The following BMPR1B variants were observed in gnomAD, a reference collection of about 807,000 sequenced individuals.
BMPR1B encodes bone morphogenetic protein receptor type-1B.
BMPR1B carries 12 observed loss-of-function variants against 59.1 expected under a neutral mutation model. That is an observed-to-expected ratio of 0.20 (90% CI 0.13 to 0.33). The LOEUF (loss-of-function observed/expected upper bound fraction) is 0.33. BMPR1B is among the 10% of genes least tolerant of loss of function. BMPR1B has a pLI of 1.00. For missense variants in BMPR1B, 550 were observed against 610.9 expected (o/e 0.90, Z 1.05); for synonymous variants, 237 against 207.3 (o/e 1.14, Z -1.23).
intron 3 of BMPR1B, among the ~76,000 whole-genome samples, chr4:95,061,160 A>AAAC (rs1727333157): frequency 5.6e-5 from 8 of 142,570 alleles, no homozygotes; most frequent in Non-Finnish European, 1.1e-4. Flanking sequence ...ATTTAGAATA[A>AAAC]ACACACACAC....
chr4:95,071,632 TTGTGTGTG>T (rs71912877), intron 3 of BMPR1B, among the ~76,000 whole-genome samples: 4 of 118,218 alleles, frequency 3.4e-5, no homozygotes, highest in South Asian at 2.6e-4. Context: ...ATATGTGTGT[TTGTGTGTG>T]TGTGTGTGTG....
At chr4:94,889,843 TAGG>T (rs1578766252) in intron 2 of BMPR1B, among the ~76,000 whole-genome samples, 2 of 151,950 alleles carry the variant, frequency 1.3e-5, no homozygotes, top group Admixed American at 6.6e-5. Flanking sequence ...TAACAAGATT[TAGG>T]AGGAGGAGGA....
At chr4:95,059,817 T>G (rs570702778) in intron 3 of BMPR1B, among the ~76,000 whole-genome samples, 1 of 152,266 alleles carries the variant, frequency 6.6e-6, no homozygotes, top group Non-Finnish European at 1.5e-5. Context: ...TGAGCAAATT[T>G]TGGTGCTTGC....
At chr4:95,142,037 C>T (rs1177692581) in intron 10 of BMPR1B, among the ~76,000 whole-genome samples, 2 of 152,172 alleles carry the variant, frequency 1.3e-5, no homozygotes, top group East Asian at 1.9e-4. Flanking sequence ...ATAGTGAACA[C>T]TCCCAGTCAA....
chr4:94,909,389 A>C (rs902317957), intron 2 of BMPR1B, among the ~76,000 whole-genome samples: 30 of 151,942 alleles, frequency 2.0e-4, no homozygotes, highest in African/African-American at 7.3e-4. Context: ...CTGGAAAAAC[A>C]ATTGCCAGAC....
At position 94,895,717 on chromosome 4, in the gene BMPR1B, AAAC is replaced by A. The variant is rs1727559730; in HGVS notation, c.-113+19820_-113+19822del. On this transcript the variant is annotated intron_variant, in intron 2 of 12. Coordinates refer to ENST00000515059, the MANE Select transcript of BMPR1B (RefSeq NM_001203.3). ...CTATATAGCATATAATTATTAAACA[AAAC>A]AATTAGAATTTTTTTCTAAACTCAT... Among the ~76,000 whole-genome samples the A allele has an allele frequency of 2.0e-5, 3 of 151,814 alleles. No individual in the cohort carries two copies. The South Asian group carries it at 6.2e-4, about 32-fold the overall frequency.
chr4:94,861,114 G>A (rs1055820874), intron 1 of BMPR1B, among the ~76,000 whole-genome samples: 1 of 152,126 alleles, frequency 6.6e-6, no homozygotes, highest in East Asian at 1.9e-4. Flanking sequence ...TCTTGAGGTA[G>A]TATAGTGCTG....
intron 1 of BMPR1B, among the ~76,000 whole-genome samples, chr4:94,827,296 A>G (rs1403808769): frequency 6.6e-6 from 1 of 152,154 alleles, no homozygotes; most frequent in Non-Finnish European, 1.5e-5. Flanking sequence ...AAATCTCTTT[A>G]ATAAATAACC....
intron 10 of BMPR1B, among the ~76,000 whole-genome samples, chr4:95,133,694 C>T (rs1490292078): frequency 6.6e-6 from 1 of 152,040 alleles, no homozygotes; most frequent in Admixed American, 6.6e-5. Flanking sequence ...ACCTCAGCCT[C>T]CTGAGTAATT....
At chr4:94,785,859 T>C (rs1474576132) in intron 1 of BMPR1B, among the ~76,000 whole-genome samples, 1 of 152,168 alleles carries the variant, frequency 6.6e-6, no homozygotes. Context: ...CTGAACAATA[T>C]TGAATCCTTA....
intron 3 of BMPR1B, among the ~76,000 whole-genome samples, chr4:95,102,894 T>C (rs1341399413): frequency 6.6e-6 from 1 of 152,026 alleles, no homozygotes; most frequent in Non-Finnish European, 1.5e-5. Flanking sequence ...ACATGAGATC[T>C]TGTTGAATAT....
At chr4:94,953,669 C>T (rs967963147) in intron 2 of BMPR1B, among the ~76,000 whole-genome samples, 3 of 152,122 alleles carry the variant, frequency 2.0e-5, no homozygotes, top group Non-Finnish European at 4.4e-5. Context: ...CCTGACCTTT[C>T]TATCTGGCTG....
At position 95,156,987 on chromosome 4, in the gene BMPR1B, G is replaced by A. The variant is rs962041391; in HGVS notation, c.*2314G>A. The A allele has an allele frequency of 3.3e-5, 5 of 152,128 alleles. No individual in the cohort carries two copies. The highest frequency in any genetic ancestry group is 1.2e-4 in the African/African-American group (5 of 41,452). 9.4% of individuals were successfully genotyped at this position (152,128 alleles called of 1,614,324 possible). A position where few individuals can be genotyped will look rare whatever the true frequency, so the allele number is the denominator to read the frequency against. On this transcript the variant is annotated 3_prime_UTR_variant, in exon 13 of 13. Coordinates refer to ENST00000515059, the MANE Select transcript of BMPR1B (RefSeq NM_001203.3). ...TAAGTGAGGTTGGGCTTACCTTGTA[G>A]ATAAAATTATGTTTTCTTTTTGGTA...
chr4:94,782,840 G>C (rs981081441), intron 1 of BMPR1B, among the ~76,000 whole-genome samples: 5 of 151,970 alleles, frequency 3.3e-5, no homozygotes, highest in African/African-American at 1.2e-4. Flanking sequence ...CCTGTATATT[G>C]GTCTCATTTC....
intron 2 of BMPR1B, among the ~76,000 whole-genome samples, chr4:94,968,081 G>C (rs1378327927): frequency 6.6e-6 from 1 of 152,110 alleles, no homozygotes; most frequent in Admixed American, 6.6e-5. Context: ...TTTACATTCA[G>C]GGACTTTTTC....
chr4:95,142,145 G>A (rs1398633239), intron 10 of BMPR1B, among the ~76,000 whole-genome samples: 1 of 152,136 alleles, frequency 6.6e-6, no homozygotes. Context: ...TATCATAGCA[G>A]CATTGAATGT....
chr4:95,078,445 C>T (rs1266923469), intron 3 of BMPR1B, among the ~76,000 whole-genome samples: 1 of 152,158 alleles, frequency 6.6e-6, no homozygotes, highest in African/African-American at 2.4e-5. Flanking sequence ...ATCTCAGGCA[C>T]TGGGCTCTGT....
At chr4:95,090,531 C>T (rs145967393) in intron 3 of BMPR1B, among the ~76,000 whole-genome samples, 21 of 152,076 alleles carry the variant, frequency 1.4e-4, no homozygotes, top group African/African-American at 5.1e-4. Context: ...TGTGAGTGAA[C>T]AATCAGCAGA....
chr4:94,897,767 A>G (rs1441293679), intron 2 of BMPR1B, among the ~76,000 whole-genome samples: 1 of 151,762 alleles, frequency 6.6e-6, no homozygotes, highest in Non-Finnish European at 1.5e-5. Flanking sequence ...GGATGTTTAG[A>G]TTGTTTCTAG....
Sources: allele counts gnomAD v4.1 joint callset (sites outside exome capture counted in the v4.1 genomes callset), GRCh38; gene constraint gnomAD v4.1.1; transcripts MANE v1.5; gene names NCBI Gene and HGNC (gene_info 2026-07-23, HGNC 2026-07-21).